Variants in NRXN3 observed in about 807,000 individuals in gnomAD.
The protein encoded by NRXN3 is neurexin 3.
In NRXN3, 32 loss-of-function variants were observed where a neutral mutation model predicts 137.6. The ratio of observed to expected loss-of-function variants is 0.23; its 90% CI spans 0.18 to 0.31. The LOEUF is 0.31. Among genes scored for constraint, NRXN3 ranks in the 10% least tolerant of loss-of-function variants. The pLI is 1.00. For synonymous variants in NRXN3, 798 were observed against 784.5 expected (o/e 1.02, Z -0.29); for missense variants, 1,574 against 2,062.5 (o/e 0.76, Z 4.59).
At chr14:79,533,303 G>A (rs1357538925) in intron 16 of NRXN3, among the ~76,000 whole-genome samples, 1 of 152,150 alleles carries the variant, frequency 6.6e-6, no homozygotes, top group Admixed American at 6.5e-5. Flanking sequence ...AAACAGTGGA[G>A]TCTGCTGTCT....
In NRXN3 at chr14:79,529,773, T is replaced by C. The variant is rs1475726119; in HGVS notation, c.3444+62371T>C. Among the ~76,000 whole-genome samples the C allele has an allele frequency of 2.6e-5, 4 of 152,192 alleles. No individual in the cohort carries two copies. The South Asian group carries it at 8.3e-4, about 31-fold the overall frequency. On this transcript the variant is annotated intron_variant, in intron 16 of 20. Transcript: ENST00000335750. ...GGAATGAGGTCTAGAGAGAGAATTT[T>C]GATGGATGTGTGTATTTGAGTCAGT... is the stretch of plus-strand genomic sequence containing the variant.
chr14:78,615,093 G>A (rs1386201852), intron 4 of NRXN3: 2 of 456,438 alleles, frequency 4.4e-6, no homozygotes, highest in East Asian at 1.4e-4. Context: ...ACAAGTTGAG[G>A]TTTTGAAACA....
At chr14:78,173,708 G>GTTTTTTTTTTTTTTTTTT (rs1296589683) in intron 1 of NRXN3, among the ~76,000 whole-genome samples, 1 of 8,988 alleles carries the variant, frequency 1.1e-4, no homozygotes, top group Admixed American at 9.7e-4. Context: ...CTTTTTCCTT[G>GTTTTTTTTTTTTTTTTTT]CTTTTTTTTT....
At chr14:78,970,865 C>T (rs961584065) in intron 14 of NRXN3, among the ~76,000 whole-genome samples, 4 of 152,026 alleles carry the variant, frequency 2.6e-5, no homozygotes, top group African/African-American at 9.7e-5. Flanking sequence ...ATGGTGAGTC[C>T]CATGAGCCTA....
At chr14:78,291,286 A>G (rs1478804779) in intron 3 of NRXN3, among the ~76,000 whole-genome samples, 1 of 152,198 alleles carries the variant, frequency 6.6e-6, no homozygotes, top group African/African-American at 2.4e-5. Context: ...GTGTAAAATT[A>G]ATGGTATAGC....
At chr14:78,789,002 G>A (rs1264365693) in intron 8 of NRXN3, among the ~76,000 whole-genome samples, 1 of 152,124 alleles carries the variant, frequency 6.6e-6, no homozygotes, top group Non-Finnish European at 1.5e-5. Flanking sequence ...GAGCTTTCTT[G>A]AATTGACTCA....
In NRXN3 at chr14:79,261,601, CTGTGTG is replaced by C. The variant is rs5809932; in HGVS notation, c.3263-205583_3263-205578del. On this transcript the variant is annotated intron_variant, in intron 15 of 20. Coordinates refer to ENST00000335750, the MANE Select transcript of NRXN3 (RefSeq NM_001330195.2). ...TGAAATCCCACAGATAAGAAAGGTG[CTGTGTG>C]TGTGTGTGTGTGTGTGTGTGTGTGT... 5.9e-3 allele frequency among the ~76,000 whole-genome samples: 349 copies of C among 59,194 alleles called. 1 individual carries two copies. Among genetic ancestry groups the C allele is most frequent in the Non-Finnish European group, 7.3e-3 (241 of 33,060 alleles). 38.8% of individuals were successfully genotyped at this position (59,194 alleles called of 152,430 possible). A position where few individuals can be genotyped will look rare whatever the true frequency, so the allele number is the denominator to read the frequency against.
At chr14:79,854,560 G>T (rs116348521) in intron 20 of NRXN3, among the ~76,000 whole-genome samples, 2,887 of 152,226 alleles carry the variant, frequency 0.019, 96 homozygotes, top group African/African-American at 0.067. Flanking sequence ...TTAATACATT[G>T]TTCTTACCAC....
In NRXN3 at chr14:79,768,706, AG is replaced by A. The variant is rs757384985; in HGVS notation, c.4015-36405del. 1.7e-3 allele frequency among the ~76,000 whole-genome samples: 252 copies of A among 152,376 alleles called. 1 individual carries two copies. Among genetic ancestry groups the A allele is most frequent in the Middle Eastern group, 3.4e-3 (1 of 294 alleles). On this transcript the variant is annotated intron_variant, in intron 19 of 20. Transcript: ENST00000335750. The stretch of plus-strand genomic sequence containing the variant: ...AGCAGAAAAACTGGAAACTCTTAAA[AG>A]CAGAGCGCCTCTCCTCCTCCAAAGG...
At chr14:78,338,834 GA>G (rs1480203293) in intron 4 of NRXN3, among the ~76,000 whole-genome samples, 2 of 152,182 alleles carry the variant, frequency 1.3e-5, no homozygotes, top group Admixed American at 6.5e-5. Context: ...TTTAACACTT[GA>G]AAGGGCCTCT....
At chr14:79,633,461 A>C (rs548756919) in intron 16 of NRXN3, 1 of 152,274 alleles carries the variant, frequency 6.6e-6, no homozygotes, top group Non-Finnish European at 1.5e-5. Flanking sequence ...CACTTCCCGG[A>C]AATGTTCCCT....
chr14:79,537,357 T>C (rs1350490874), intron 16 of NRXN3, among the ~76,000 whole-genome samples: 4 of 152,080 alleles, frequency 2.6e-5, no homozygotes, highest in Non-Finnish European at 1.5e-5. Context: ...TAGTTACATA[T>C]GTATACATGT....
chr14:79,281,936 C>T (rs954038562), intron 15 of NRXN3: 1 of 152,180 alleles, frequency 6.6e-6, no homozygotes, highest in Non-Finnish European at 1.5e-5. Context: ...AAAATGCCAG[C>T]ACATACTCTG....
intron 10 of NRXN3, among the ~76,000 whole-genome samples, chr14:78,930,812 A>ATCT (rs1320576247): frequency 1.3e-5 from 2 of 152,204 alleles, no homozygotes; most frequent in African/African-American, 4.8e-5. Flanking sequence ...GTAGTGAGCC[A>ATCT]TCTTCTAGGT....
chr14:79,803,943 ATG>A, intron 19 of NRXN3, among the ~76,000 whole-genome samples: 1 of 139,322 alleles, frequency 7.2e-6, no homozygotes, highest in African/African-American at 2.6e-5. Flanking sequence ...GTATATATAT[ATG>A]TATATATATA....
intron 4 of NRXN3, among the ~76,000 whole-genome samples, chr14:78,366,564 C>A (rs886373053): frequency 2.6e-5 from 4 of 152,096 alleles, no homozygotes; most frequent in African/African-American, 4.8e-5. Flanking sequence ...AAAGACATAT[C>A]CATAAGACTG....
intron 1 of NRXN3, among the ~76,000 whole-genome samples, chr14:78,213,110 G>C (rs2062904748): frequency 6.6e-6 from 1 of 152,100 alleles, no homozygotes; most frequent in Admixed American, 6.5e-5. Flanking sequence ...TGCTTTCCTT[G>C]GAAACAAATA....
intron 4 of NRXN3, among the ~76,000 whole-genome samples, chr14:78,479,209 C>G (rs1415200171): frequency 1.3e-5 from 2 of 152,188 alleles, no homozygotes; most frequent in Admixed American, 1.3e-4. Context: ...CCTGCTCTCC[C>G]AAGAGGCATA....
intron 4 of NRXN3, among the ~76,000 whole-genome samples, chr14:78,600,003 T>G (rs1347962601): frequency 6.6e-6 from 1 of 152,158 alleles, no homozygotes; most frequent in Non-Finnish European, 1.5e-5. Context: ...CAGCTCACAG[T>G]TGGCAGAAGC....
Sources: allele counts gnomAD v4.1 joint callset (sites outside exome capture counted in the v4.1 genomes callset), GRCh38; gene constraint gnomAD v4.1.1; transcripts MANE v1.5; gene names NCBI Gene and HGNC (gene_info 2026-07-23, HGNC 2026-07-21).